Variants in SYT17 observed in about 807,000 individuals in gnomAD.
The protein encoded by SYT17 is synaptotagmin-17.
In SYT17, 22 loss-of-function variants were observed where a neutral mutation model predicts 46.7. That is an observed-to-expected ratio of 0.47 (90% CI 0.34 to 0.67). SYT17 has a LOEUF of 0.67. SYT17 is among the 30% of genes least tolerant of loss of function. The pLI is 0.01. For synonymous variants in SYT17, 251 were observed against 248.4 expected (o/e 1.01, Z -0.10); for missense variants, 519 against 612.8 (o/e 0.85, Z 1.62).
chr16:19,203,244 A>G (rs973173995), intron 5 of SYT17, among the ~76,000 whole-genome samples: 1 of 151,906 alleles, frequency 6.6e-6, no homozygotes. Flanking sequence ...TAATCCCAGC[A>G]GTTTGGGAGG....
At position 19,249,880 on chromosome 16, in the gene SYT17, C is replaced by G. The variant is rs1967909952; in HGVS notation, c.1229-17000C>G. The G allele has an allele frequency of 6.0e-6, 9 of 1,501,314 alleles. No homozygotes were observed. The South Asian group carries it at 1.1e-4, about 19-fold the overall frequency. 93.0% of individuals were successfully genotyped at this position (1,501,314 alleles called of 1,614,324 possible). A position where few individuals can be genotyped will look rare whatever the true frequency, so the allele number is the denominator to read the frequency against. On this transcript the variant is annotated intron_variant, in intron 7 of 7. Coordinates refer to ENST00000355377, the MANE Select transcript of SYT17 (RefSeq NM_016524.4). ...GGGGGCTCCATACTTTCATCCAGGT[C>G]GTCTTGTCTTGCTCACTCCCTTGTC...
intron 5 of SYT17, among the ~76,000 whole-genome samples, chr16:19,222,076 GTCC>G (rs1016618383): frequency 3.4e-4 from 52 of 152,264 alleles, no homozygotes; most frequent in African/African-American, 1.2e-3. Flanking sequence ...TTGTTTTAAT[GTCC>G]TCATCAGTTA....
intron 7 of SYT17, among the ~76,000 whole-genome samples, chr16:19,252,029 G>A (rs1343494438): frequency 6.6e-6 from 1 of 151,880 alleles, no homozygotes; most frequent in Admixed American, 6.6e-5. Context: ...GCCTAACATG[G>A]CAAAACCCCG....
chr16:19,234,763 G>A (rs950193618), intron 7 of SYT17, among the ~76,000 whole-genome samples: 5 of 152,174 alleles, frequency 3.3e-5, no homozygotes, highest in Non-Finnish European at 7.3e-5. Context: ...ATCAGCCTGT[G>A]GGCCCATCCA....
chr16:19,192,994 C>A (rs1001583917), intron 5 of SYT17, among the ~76,000 whole-genome samples: 3 of 152,172 alleles, frequency 2.0e-5, no homozygotes, highest in African/African-American at 7.2e-5. Context: ...AACTCTGGAC[C>A]TCGTTCCGAG....
chr16:19,220,388 C>T (rs575936950), intron 5 of SYT17, among the ~76,000 whole-genome samples: 40 of 146,802 alleles, frequency 2.7e-4, no homozygotes, highest in South Asian at 6.4e-4. Context: ...CTGCAACCTC[C>T]GCCTCCTGGA....
rs1244809313 is a variant in SYT17 at position 19,168,739 on chromosome 16, G to A, written c.15+78G>A. ...CCCCTCCGGCTGGGAGCGCGCGGAAGGGAGGGCCCACGGCTAGGCTCCCAC... is the reference window on the plus strand; with the variant it reads ...CCCCTCCGGCTGGGAGCGCGCGGAAAGGAGGGCCCACGGCTAGGCTCCCAC... On this transcript the variant is annotated intron_variant, in intron 1 of 7. Transcript: ENST00000355377. This position sits in a 1 kb window ranked among gnomAD's most constrained non-coding sequence, Gnocchi z 6.9. 1 of 1,411,772 alleles carries A rather than the reference G, an allele frequency of 7.1e-7. No homozygotes were observed. Among genetic ancestry groups the A allele is most frequent in the Admixed American group, 3.0e-5 (1 of 33,282 alleles). 87.5% of individuals were successfully genotyped at this position (1,411,772 alleles called of 1,614,324 possible). A position where few individuals can be genotyped will look rare whatever the true frequency, so the allele number is the denominator to read the frequency against.
At chr16:19,173,840 G>A (rs117687801) in intron 3 of SYT17, among the ~76,000 whole-genome samples, 4 of 152,284 alleles carry the variant, frequency 2.6e-5, no homozygotes, top group Non-Finnish European at 5.9e-5. Flanking sequence ...GATACGAACC[G>A]TGTAATGCTA....
intron 5 of SYT17, chr16:19,211,329 C>G (rs569047494): frequency 1.2e-5 from 8 of 687,514 alleles, no homozygotes; most frequent in Non-Finnish European, 2.1e-5. Context: ...CCTCTCGGCC[C>G]GTGGTGTGGC....
chr16:19,240,255 C>G (rs1365018226), intron 7 of SYT17, among the ~76,000 whole-genome samples: 1 of 152,148 alleles, frequency 6.6e-6, no homozygotes, highest in Non-Finnish European at 1.5e-5. Flanking sequence ...TGTCCTGCAT[C>G]CAGGAAGAAT....
chr16:19,253,855 G>A (rs938962875), intron 7 of SYT17, among the ~76,000 whole-genome samples: 1 of 152,052 alleles, frequency 6.6e-6, no homozygotes, highest in African/African-American at 2.4e-5. Flanking sequence ...AGCCTCCCGA[G>A]TAACTAGGAT....
Position 19,267,850 on chromosome 16 carries a change from A to T in SYT17, c.*774A>T, listed in dbSNP as rs1418805880. On this transcript the variant is annotated 3_prime_UTR_variant, in exon 8 of 8. Coordinates refer to ENST00000355377, the MANE Select transcript of SYT17 (RefSeq NM_016524.4). ...GCGATGGGCCAGGACCTCAGCCCTGAGCACTGCCTTCTCTCTGCCTCTCCT... is the reference window on the plus strand; with the variant it reads ...GCGATGGGCCAGGACCTCAGCCCTGTGCACTGCCTTCTCTCTGCCTCTCCT... 6.6e-6 allele frequency: 1 copy of T among 152,224 alleles called. No homozygotes were observed. The highest frequency in any genetic ancestry group is 1.5e-5 in the Non-Finnish European group (1 of 68,120). The allele number at this position is 152,224 out of a possible 1,614,324, so 9.4% of individuals were successfully genotyped here.
intron 3 of SYT17, among the ~76,000 whole-genome samples, chr16:19,174,916 G>A (rs186098912): frequency 4.9e-4 from 75 of 152,194 alleles, no homozygotes; most frequent in Middle Eastern, 3.4e-3. Context: ...TCAGGATTTC[G>A]AGACCAGCCT....
At chr16:19,176,934 C>T (rs9673444) in intron 3 of SYT17, among the ~76,000 whole-genome samples, 84,378 of 151,990 alleles carry the variant, frequency 0.56, 26,461 homozygotes, top group African/African-American at 0.85. Flanking sequence ...CAAGCTTAGG[C>T]TGAGTTGGGT....
In SYT17 at chr16:19,267,267, G is replaced by A. The variant is rs556962843; in HGVS notation, c.*191G>A. On this transcript the variant is annotated 3_prime_UTR_variant, in exon 8 of 8. Coordinates refer to ENST00000355377, the MANE Select transcript of SYT17 (RefSeq NM_016524.4). ...GGAAGCTGACTATTGATCACAAAAT[G>A]GCCGCCCTCAGTTGAGTGAGGCCTA... 139 of 480,262 alleles carry A rather than the reference G, an allele frequency of 2.9e-4. No homozygotes were observed. The African/African-American group carries it at 5.2e-3, about 18-fold the overall frequency. 29.8% of individuals were successfully genotyped at this position (480,262 alleles called of 1,614,324 possible). A position where few individuals can be genotyped will look rare whatever the true frequency, so the allele number is the denominator to read the frequency against.
At chr16:19,169,405 G>C (rs1258345139) in intron 1 of SYT17, among the ~76,000 whole-genome samples, 1 of 152,248 alleles carries the variant, frequency 6.6e-6, no homozygotes, top group Non-Finnish European at 1.5e-5. Flanking sequence ...GCAGGTCAGC[G>C]CCAAGGTCAA....
chr16:19,177,068 T>A (rs561927677), intron 3 of SYT17, among the ~76,000 whole-genome samples: 6 of 152,178 alleles, frequency 3.9e-5, no homozygotes, highest in Non-Finnish European at 8.8e-5. Context: ...GTGTTACAGA[T>A]GCACAGCCTA....
At chr16:19,221,837 A>C (rs1041370636) in intron 5 of SYT17, among the ~76,000 whole-genome samples, 1 of 152,242 alleles carries the variant, frequency 6.6e-6, no homozygotes, top group African/African-American at 2.4e-5. Flanking sequence ...AGTTAGATAG[A>C]TAGATAGAGA....
At position 19,183,942 on chromosome 16, in the gene SYT17, G is replaced by A. The variant is rs764089204; in HGVS notation, c.746G>A (p.Arg249His). The change falls in exon 5 of 8, where the codon CGC becomes CAC. Residue 249 changes from arginine (R) to histidine (H), a missense_variant. Arg to His is a conservative substitution (Grantham distance 29). Coordinates refer to ENST00000355377, the MANE Select transcript of SYT17 (RefSeq NM_016524.4). This position sits in a 1 kb window ranked among gnomAD's most constrained non-coding sequence, Gnocchi z 5.6. Reference sequence around the variant, plus strand: ...AACTCAAAGCAGACCGGGGTCAAACGCAAGACCCAGAAGCCCGTGTTTGAG... The same window carrying A: ...AACTCAAAGCAGACCGGGGTCAAACACAAGACCCAGAAGCCCGTGTTTGAG... ...QKNSKQTGVK[R>H]KTQKPVFEER... The A allele has an allele frequency of 2.5e-6, 4 of 1,614,176 alleles. No homozygotes were observed. Among genetic ancestry groups the A allele is most frequent in the Non-Finnish European group, 2.5e-6 (3 of 1,180,044 alleles).
Sources: gnomAD v4.1 joint callset for allele counts (sites outside exome capture counted in the v4.1 genomes callset) on GRCh38, gnomAD v4.1.1 for gene constraint, Gnocchi (gnomAD v3.1) non-coding constraint, MANE v1.5 for transcripts, NCBI Gene and HGNC (gene_info 2026-07-23, HGNC 2026-07-21) for gene names.